The following ZP3 variants were observed in gnomAD, a reference collection of about 807,000 sequenced individuals.
ZP3 encodes zona pellucida sperm-binding protein 3.
ZP3 carries 21 observed loss-of-function variants against 35.6 expected under a neutral mutation model. That is an observed-to-expected ratio of 0.59 (90% CI 0.42 to 0.85). The LOEUF is 0.85. ZP3 is among the 40% of genes least tolerant of loss of function. The pLI is 0.00. For synonymous variants in ZP3, 207 were observed against 214.5 expected (o/e 0.96, Z 0.31); for missense variants, 437 against 536.5 (o/e 0.81, Z 1.83).
intron 5 of ZP3, among the ~76,000 whole-genome samples, chr7:76,436,649 G>C (rs1444108364): frequency 1.3e-5 from 2 of 152,274 alleles, no homozygotes; most frequent in Non-Finnish European, 2.9e-5. Flanking sequence ...GAAGCTCTCA[G>C]TGGTGGGCCC....
intron 1 of ZP3, among the ~76,000 whole-genome samples, chr7:76,427,837 C>A (rs966962415): frequency 1.3e-5 from 2 of 152,110 alleles, no homozygotes; most frequent in East Asian, 1.9e-4. Flanking sequence ...CACATGCCAC[C>A]GTGCCCAGCC....
chr7:76,425,966 C>T (rs1805638184), intron 1 of ZP3, among the ~76,000 whole-genome samples: 1 of 151,928 alleles, frequency 6.6e-6, no homozygotes, highest in Admixed American at 6.6e-5. Context: ...GTCTGTAATC[C>T]CAGCTACTCA....
At chr7:76,408,903 G>A (rs1315714351) in intron 1 of ZP3, among the ~76,000 whole-genome samples, 3 of 152,162 alleles carry the variant, frequency 2.0e-5, no homozygotes, top group African/African-American at 7.2e-5. Context: ...TCATATTGCA[G>A]CATCAGCTCC....
In ZP3 at chr7:76,410,429, G is replaced by A. The variant is rs191658335; in HGVS notation, c.-67+12632G>A. Among the ~76,000 whole-genome samples the A allele has an allele frequency of 2.2e-4, 33 of 150,890 alleles. No homozygotes were observed. The East Asian group carries it at 6.5e-3, about 30-fold the overall frequency. ...TGCAATGGTGTGATCTCAGCTCACA[G>A]CAACGTCCGTCTCCCCGAGTTCAAG... On this transcript the variant is annotated intron_variant, in intron 1 of 8. Transcript: ENST00000336517.
In ZP3 at chr7:76,415,364, C is replaced by CAAAAAAAAAAAAAAAAAAAAA. The variant is rs528001072; in HGVS notation, c.-66-9673_-66-9672insAAAAAAAAAAAAAAAAAAAAA. ...CTGGCGATAGAGTGAGACTCCGTCT[C>CAAAAAAAAAAAAAAAAAAAAA]AAAAAAAAAAAAAAAGGTCTGGAAT... On this transcript the variant is annotated intron_variant, in intron 1 of 8. Coordinates refer to the ZP3 transcript ENST00000336517. Among the ~76,000 whole-genome samples, 8 of 63,470 alleles carry CAAAAAAAAAAAAAAAAAAAAA rather than the reference C, an allele frequency of 1.3e-4. 1 individual carries two copies. The highest frequency in any genetic ancestry group is 4.0e-4 in the African/African-American group (5 of 12,382). 41.6% of individuals were successfully genotyped at this position (63,470 alleles called of 152,430 possible). A position where few individuals can be genotyped will look rare whatever the true frequency, so the allele number is the denominator to read the frequency against.
intron 1 of ZP3, among the ~76,000 whole-genome samples, chr7:76,406,517 TCTGTCACCCAGGCGG>T (rs1285561761): frequency 6.6e-6 from 1 of 152,036 alleles, no homozygotes; most frequent in Non-Finnish European, 1.5e-5. Context: ...AGGGTCTCAC[TCTGTCACCCAGGCGG>T]CAGTGCAGTG....
chr7:76,436,030 C>CCCCT (rs1805991993), intron 5 of ZP3, among the ~76,000 whole-genome samples: 1 of 74,248 alleles, frequency 1.3e-5, no homozygotes, highest in African/African-American at 5.1e-5. Flanking sequence ...CCCCCGCCCC[C>CCCCT]TTTTTTTTTT....
At chr7:76,398,600 C>G in intron 1 of ZP3, 1 of 1,179,082 alleles carries the variant, frequency 8.5e-7, no homozygotes, top group East Asian at 2.6e-5. Context: ...CCACCATGCC[C>G]AGCCATTTTC....
upstream of ZP3, among the ~76,000 whole-genome samples, chr7:76,423,031 G>GAAAGAAAGAAAGAAA (rs1563695474): frequency 1.7e-5 from 2 of 114,486 alleles, no homozygotes; most frequent in Non-Finnish European, 3.7e-5. Context: ...GAGAGAGAAA[G>GAAAGAAAGAAAGAAA]AAAGAAAGAA....
upstream of ZP3, among the ~76,000 whole-genome samples, chr7:76,423,412 G>A (rs1805572612): frequency 6.6e-6 from 1 of 152,166 alleles, no homozygotes; most frequent in African/African-American, 2.4e-5. Flanking sequence ...TGGTTATCTT[G>A]AGTTATGGGC....
intron 1 of ZP3, among the ~76,000 whole-genome samples, chr7:76,403,210 C>T (rs1312299643): frequency 6.6e-6 from 1 of 152,146 alleles, no homozygotes; most frequent in African/African-American, 2.4e-5. Context: ...ATTTGCCTAC[C>T]AGGCAAAATG....
intron 5 of ZP3, among the ~76,000 whole-genome samples, chr7:76,436,470 A>G (rs1254645430): frequency 6.6e-6 from 1 of 152,280 alleles, no homozygotes; most frequent in African/African-American, 2.4e-5. Context: ...CCTCTGAAGC[A>G]GAGGCTCATA....
chr7:76,439,672 C>T (rs1187365128), intron 5 of ZP3, among the ~76,000 whole-genome samples: 3 of 152,074 alleles, frequency 2.0e-5, no homozygotes, highest in Admixed American at 6.6e-5. Context: ...TACCACTGTA[C>T]TCCAGCCTGG....
At chr7:76,399,135 C>T (rs1011209727) in intron 1 of ZP3, among the ~76,000 whole-genome samples, 6 of 152,148 alleles carry the variant, frequency 3.9e-5, no homozygotes, top group African/African-American at 1.4e-4. Context: ...CCTCAGCCTC[C>T]TGAGTAGCTG....
chr7:76,404,557 C>T (rs1804938500), intron 1 of ZP3: 3 of 1,501,222 alleles, frequency 2.0e-6, no homozygotes, highest in Middle Eastern at 2.2e-4. Flanking sequence ...TTTGGGAGGC[C>T]GAGGTGGGAG....
upstream of ZP3, among the ~76,000 whole-genome samples, chr7:76,423,078 A>AGAAAGAAAGAAAGAAG (rs1805562850): frequency 6.9e-6 from 1 of 145,780 alleles, no homozygotes; most frequent in African/African-American, 2.5e-5. Context: ...AAAGAAAGAA[A>AGAAAGAAAGAAAGAAG]GAAAGAAAAG....
intron 1 of ZP3, among the ~76,000 whole-genome samples, chr7:76,405,741 G>A (rs564217465): frequency 3.6e-4 from 55 of 152,064 alleles, no homozygotes; most frequent in Non-Finnish European, 6.8e-4. Context: ...ATGAGGAGTC[G>A]GTCATGGCTG....
chr7:76,421,567 T>G (rs1423821937), upstream of ZP3, among the ~76,000 whole-genome samples: 1 of 152,004 alleles, frequency 6.6e-6, no homozygotes, highest in African/African-American at 2.4e-5. Flanking sequence ...TTTTAATTTT[T>G]TAAAATTATA....
chr7:76,429,467 C>T (rs771394013), intron 1 of ZP3, 48 bp from the exon 2 acceptor site: 2 of 1,583,126 alleles, frequency 1.3e-6, no homozygotes, highest in Admixed American at 1.7e-5. Flanking sequence ...CTTGGGAGTA[C>T]CCGGGCAGGT....
Sources: gnomAD v4.1 joint callset for allele counts (sites outside exome capture counted in the v4.1 genomes callset) on GRCh38, gnomAD v4.1.1 for gene constraint, MANE v1.5 for transcripts, NCBI Gene and HGNC (gene_info 2026-07-23, HGNC 2026-07-21) for gene names.